The following SEMA6D variants were observed in gnomAD, a reference collection of about 807,000 sequenced individuals.
SEMA6D encodes semaphorin-6D.
In SEMA6D, 35 loss-of-function variants were observed where a neutral mutation model predicts 106.6. The observed-to-expected ratio is 0.33, with a 90% CI of 0.25 to 0.44. SEMA6D has a LOEUF of 0.44. SEMA6D is among the 20% of genes least tolerant of loss of function. The pLI is 1.00. For missense variants in SEMA6D, 1,185 were observed against 1,345.9 expected (o/e 0.88, Z 1.87); for synonymous variants, 499 against 487.7 (o/e 1.02, Z -0.31).
Position 47,773,128 on chromosome 15 carries a change from G to A in SEMA6D, c.*1343G>A, listed in dbSNP as rs1459478829. 6.6e-6 allele frequency: 1 copy of A among 152,532 alleles called. No individual in the cohort carries two copies. The highest frequency in any genetic ancestry group is 1.9e-4 in the East Asian group (1 of 5,186). The allele number at this position is 152,532 out of a possible 1,614,324, so 9.4% of individuals were successfully genotyped here. On this transcript the variant is annotated 3_prime_UTR_variant, in exon 19 of 19. Coordinates refer to ENST00000536845, the MANE Select transcript of SEMA6D (RefSeq NM_001358351.3). ...TACTAAAATCTGTCAAGTGTTTTCA[G>A]TATAGCACATTATTTACTGAGTGCC...
At chr15:47,482,976 G>A (rs1200388819) in intron 3 of SEMA6D, among the ~76,000 whole-genome samples, 1 of 152,122 alleles carries the variant, frequency 6.6e-6, no homozygotes, top group Non-Finnish European at 1.5e-5. Context: ...AGTAGATATA[G>A]ATACTTGCTC....
intron 1 of SEMA6D, among the ~76,000 whole-genome samples, chr15:47,351,408 G>T (rs979816089): frequency 6.6e-6 from 1 of 152,144 alleles, no homozygotes; most frequent in Non-Finnish European, 1.5e-5. Context: ...TTTAACAATA[G>T]TGATGATAAA....
intron 3 of SEMA6D, among the ~76,000 whole-genome samples, chr15:47,553,064 C>T (rs1046985774): frequency 2.0e-5 from 3 of 149,202 alleles, no homozygotes; most frequent in South Asian, 2.1e-4. Context: ...CCTCCACACC[C>T]GGCTAATTTT....
chr15:47,626,803 A>C (rs751583872), intron 4 of SEMA6D, among the ~76,000 whole-genome samples: 3 of 152,170 alleles, frequency 2.0e-5, no homozygotes, highest in African/African-American at 7.2e-5. Context: ...GCCTTGAATT[A>C]TCTACCAAAA....
At chr15:47,260,827 C>T (rs886590902) in intron 1 of SEMA6D, among the ~76,000 whole-genome samples, 2 of 152,084 alleles carry the variant, frequency 1.3e-5, no homozygotes, top group African/African-American at 4.8e-5. Flanking sequence ...CTGATTGATC[C>T]CTCTTGCTAG....
intron 4 of SEMA6D, among the ~76,000 whole-genome samples, chr15:47,604,800 C>T (rs185731876): frequency 2.4e-4 from 37 of 151,848 alleles, no homozygotes; most frequent in Non-Finnish European, 2.6e-4. Flanking sequence ...GGGTTCATGC[C>T]ATTCTCCTGC....
chr15:47,255,589 A>G (rs1000347589), intron 1 of SEMA6D, among the ~76,000 whole-genome samples: 4 of 152,096 alleles, frequency 2.6e-5, no homozygotes, highest in African/African-American at 9.6e-5. Flanking sequence ...GATATTAGTC[A>G]TCATATATGT....
intron 3 of SEMA6D, among the ~76,000 whole-genome samples, chr15:47,496,468 C>G (rs1596153709): frequency 1.3e-5 from 2 of 152,176 alleles, no homozygotes; most frequent in East Asian, 3.9e-4. Context: ...TCACCCTCCT[C>G]CCTACATTTA....
At chr15:47,391,451 G>T (rs1249726770) in intron 1 of SEMA6D, among the ~76,000 whole-genome samples, 2 of 152,100 alleles carry the variant, frequency 1.3e-5, no homozygotes, top group African/African-American at 4.8e-5. Context: ...ATCAGACAAT[G>T]GTTCCTATTA....
At chr15:47,448,702 T>A (rs927895247) in intron 2 of SEMA6D, among the ~76,000 whole-genome samples, 1 of 152,136 alleles carries the variant, frequency 6.6e-6, no homozygotes, top group Non-Finnish European at 1.5e-5. Context: ...GTAAGGGTCC[T>A]ACTTTAAAGT....
rs187476702 is a variant in SEMA6D at position 47,257,353 on chromosome 15, G to A, written c.-239+72935G>A. On this transcript the variant is annotated intron_variant, in intron 1 of 19. Transcript: ENST00000558014. ...ATTACAGGCGTGAGCCACTGCACCC[G>A]ACCAATTCTTTTCTTTTTCTTTAGG... Among the ~76,000 whole-genome samples the A allele has an allele frequency of 4.6e-5, 7 of 152,244 alleles. No homozygotes were observed. In the East Asian group the frequency reaches 5.8e-4, roughly 13 times the overall value.
chr15:47,662,438 A>G (rs2077942271), intron 4 of SEMA6D, among the ~76,000 whole-genome samples: 1 of 152,308 alleles, frequency 6.6e-6, no homozygotes, highest in East Asian at 1.9e-4. Context: ...ATAAGCATTC[A>G]TCTCAGTTTT....
chr15:47,283,851 G>A (rs1036161693), intron 1 of SEMA6D, among the ~76,000 whole-genome samples: 2 of 152,206 alleles, frequency 1.3e-5, no homozygotes, highest in African/African-American at 4.8e-5. Context: ...GCTGCAGGCT[G>A]TTGCACAGAC....
chr15:47,501,157 A>T (rs2043835853), intron 3 of SEMA6D, among the ~76,000 whole-genome samples: 1 of 152,114 alleles, frequency 6.6e-6, no homozygotes, highest in South Asian at 2.1e-4. Flanking sequence ...GAGTCCTTTC[A>T]TTTGCATTAG....
At chr15:47,382,576 A>C (rs1236394591) in intron 1 of SEMA6D, among the ~76,000 whole-genome samples, 1 of 152,240 alleles carries the variant, frequency 6.6e-6, no homozygotes, top group South Asian at 2.1e-4. Context: ...GTAAAAACCA[A>C]GTCCGCAAAC....
chr15:47,400,419 G>A (rs964050709), intron 1 of SEMA6D, among the ~76,000 whole-genome samples: 8 of 149,296 alleles, frequency 5.4e-5, no homozygotes, highest in African/African-American at 2.0e-4. Context: ...AACCCAGGAG[G>A]CAGAGGTTGC....
intron 1 of SEMA6D, among the ~76,000 whole-genome samples, chr15:47,315,362 C>G (rs1347592819): frequency 6.6e-6 from 1 of 152,162 alleles, no homozygotes; most frequent in African/African-American, 2.4e-5. Flanking sequence ...ATCTTTGCTC[C>G]ACTGTATTGC....
chr15:47,207,927 A>G (rs1212169718), intron 1 of SEMA6D, among the ~76,000 whole-genome samples: 1 of 151,302 alleles, frequency 6.6e-6, no homozygotes, highest in African/African-American at 2.4e-5. Context: ...AATCAACATC[A>G]GAGGTACCAA....
chr15:47,541,998 A>G (rs1414948345), intron 3 of SEMA6D, among the ~76,000 whole-genome samples: 1 of 152,186 alleles, frequency 6.6e-6, no homozygotes, highest in Non-Finnish European at 1.5e-5. Context: ...CCTTAAAAAA[A>G]CTGTTATATA....
Sources: allele counts gnomAD v4.1 joint callset (sites outside exome capture counted in the v4.1 genomes callset), GRCh38; gene constraint gnomAD v4.1.1; transcripts MANE v1.5; gene names NCBI Gene and HGNC (gene_info 2026-07-23, HGNC 2026-07-21).